The following MYT1L variants were observed in gnomAD, a reference collection of about 807,000 sequenced individuals.
The protein encoded by MYT1L is myelin transcription factor 1 like.
In MYT1L, 12 loss-of-function variants were observed where a neutral mutation model predicts 126.7. The ratio of observed to expected loss-of-function variants is 0.09; its 90% CI spans 0.06 to 0.15. The LOEUF (loss-of-function observed/expected upper bound fraction) is 0.15, where lower values mean the gene tolerates loss of function less well. MYT1L is among the 10% of genes least tolerant of loss of function. The pLI is 1.00. For synonymous variants in MYT1L, 541 were observed against 604.2 expected (o/e 0.90, Z 1.53); for missense variants, 979 against 1,585.2 (o/e 0.62, Z 6.49).
chr2:2,202,891 G>A (rs567801118), intron 2 of MYT1L, among the ~76,000 whole-genome samples: 11 of 152,218 alleles, frequency 7.2e-5, no homozygotes, highest in South Asian at 2.1e-4. Flanking sequence ...CTGGCAAACC[G>A]AATCCAGCAG....
intron 9 of MYT1L, 83 bp from the exon 10 acceptor site, chr2:1,923,346 T>C (rs2053813862): frequency 8.6e-7 from 1 of 1,162,508 alleles, no homozygotes; most frequent in Admixed American, 2.4e-5. Flanking sequence ...ACAGCATGGA[T>C]AGCACGTTAA....
At chr2:2,274,431 G>T (rs930842345) in intron 2 of MYT1L, among the ~76,000 whole-genome samples, 1 of 152,116 alleles carries the variant, frequency 6.6e-6, no homozygotes, top group African/African-American at 2.4e-5. Context: ...AATGTCATTG[G>T]AATTTACTTA....
At chr2:2,064,552 T>C (rs1370986465) in intron 3 of MYT1L, among the ~76,000 whole-genome samples, 2 of 152,192 alleles carry the variant, frequency 1.3e-5, no homozygotes, top group African/African-American at 4.8e-5. Flanking sequence ...AGTATCTGTG[T>C]ACAGAGAGGA....
At chr2:2,259,731 A>G (rs1352069540) in intron 2 of MYT1L, among the ~76,000 whole-genome samples, 1 of 152,180 alleles carries the variant, frequency 6.6e-6, no homozygotes, top group Non-Finnish European at 1.5e-5. Flanking sequence ...ATGGATGTCA[A>G]GGTACGGGTC....
At chr2:2,285,755 C>A (rs945293609) in intron 1 of MYT1L, among the ~76,000 whole-genome samples, 4 of 152,334 alleles carry the variant, frequency 2.6e-5, no homozygotes, top group South Asian at 2.1e-4. Context: ...AGGTCAGACA[C>A]TGCAGGTTCA....
chr2:2,182,492 C>A (rs1442883575), intron 2 of MYT1L, among the ~76,000 whole-genome samples: 1 of 151,940 alleles, frequency 6.6e-6, no homozygotes, highest in South Asian at 2.1e-4. Flanking sequence ...CCCTCTCTCA[C>A]ACCCATGTAC....
intron 4 of MYT1L, among the ~76,000 whole-genome samples, chr2:2,022,699 C>T (rs550744411): frequency 8.4e-4 from 127 of 150,460 alleles, no homozygotes; most frequent in Admixed American, 8.3e-3. Flanking sequence ...TCCATTCCTG[C>T]TCTGAAAAAA....
At chr2:1,984,899 C>T (rs1480716326) in intron 5 of MYT1L, among the ~76,000 whole-genome samples, 1 of 152,144 alleles carries the variant, frequency 6.6e-6, no homozygotes, top group Non-Finnish European at 1.5e-5. Context: ...TCAAGTACCA[C>T]ATTAGGCCAT....
intron 8 of MYT1L, among the ~76,000 whole-genome samples, chr2:1,945,371 G>A (rs920127371): frequency 6.6e-6 from 1 of 152,220 alleles, no homozygotes; most frequent in African/African-American, 2.4e-5. Context: ...GGACTGGGAT[G>A]AGAAAGTGAG....
chr2:1,885,578 G>A (rs2048070625), intron 18 of MYT1L: 1 of 152,682 alleles, frequency 6.5e-6, no homozygotes, highest in African/African-American at 2.4e-5. Flanking sequence ...GGATGCCGAG[G>A]TGGGGTGGGA....
intron 13 of MYT1L, among the ~76,000 whole-genome samples, chr2:1,909,947 A>C (rs1389775844): frequency 1.3e-5 from 2 of 152,212 alleles, no homozygotes; most frequent in Non-Finnish European, 2.9e-5. Context: ...TTCATCTAGC[A>C]CTCAGACTCA....
intron 2 of MYT1L, among the ~76,000 whole-genome samples, chr2:2,197,644 C>A (rs947745023): frequency 6.6e-6 from 1 of 151,088 alleles, no homozygotes; most frequent in Non-Finnish European, 1.5e-5. Flanking sequence ...CACACGCATA[C>A]AACGAATGTG....
rs151111708 is a variant in MYT1L, at chr2:1,932,929, C to T, written c.506-9666G>A. Among the ~76,000 whole-genome samples the T allele has an allele frequency of 2.6e-5, 4 of 152,238 alleles. No homozygotes were observed. In the East Asian group the frequency reaches 7.8e-4, roughly 30 times the overall value. On this transcript the variant is annotated intron_variant, in intron 9 of 24. Transcript: ENST00000647738. ...ATGCCTTCTGCTGAAGCCAGGGAAGCCTGGGCCAACCACATGCACAGTCTA... is the reference window on the plus strand; with the variant it reads ...ATGCCTTCTGCTGAAGCCAGGGAAGTCTGGGCCAACCACATGCACAGTCTA...
intron 4 of MYT1L, among the ~76,000 whole-genome samples, chr2:2,003,410 C>T (rs966993951): frequency 1.4e-4 from 22 of 152,192 alleles, no homozygotes; most frequent in Admixed American, 6.5e-5. Context: ...CAGGTTTGCC[C>T]ACCGTCACCC....
At chr2:2,304,049 T>C (rs2095824759) in intron 1 of MYT1L, 2 of 152,296 alleles carry the variant, frequency 1.3e-5, no homozygotes, top group Admixed American at 1.3e-4. Flanking sequence ...GAATAAGGAT[T>C]ATGTGGAAAC....
chr2:2,232,954 T>A (rs1356887906), intron 2 of MYT1L, among the ~76,000 whole-genome samples: 1 of 152,066 alleles, frequency 6.6e-6, no homozygotes, highest in Non-Finnish European at 1.5e-5. Flanking sequence ...GAGGTCTCTG[T>A]GAACAGAGGA....
intron 2 of MYT1L, among the ~76,000 whole-genome samples, chr2:2,251,703 A>G (rs1282616918): frequency 6.6e-6 from 1 of 152,132 alleles, no homozygotes; most frequent in Non-Finnish European, 1.5e-5. Context: ...CAATAGATCT[A>G]TTACAGGATC....
In MYT1L at chr2:1,793,677, C is replaced by T. The variant is rs773403310; in HGVS notation, c.3277-1213G>A. Among the ~76,000 whole-genome samples, 5 of 152,210 alleles carry T rather than the reference C, an allele frequency of 3.3e-5. No individual in the cohort carries two copies. The highest frequency in any genetic ancestry group is 1.3e-4 in the Admixed American group (2 of 15,290). ...GGATGAAGTGGGGAGGGCCGGCCTTCTCCTTGGAAGGAATCGCAGCCCCCA... is the reference window on the plus strand; with the variant it reads ...GGATGAAGTGGGGAGGGCCGGCCTTTTCCTTGGAAGGAATCGCAGCCCCCA... On this transcript the variant is annotated intron_variant, in intron 23 of 24. Coordinates refer to ENST00000647738, the MANE Select transcript of MYT1L (RefSeq NM_001303052.2). This position sits in a 1 kb window ranked among gnomAD's most constrained non-coding sequence, Gnocchi z 4.6.
chr2:2,005,713 T>G (rs2063225014), intron 4 of MYT1L, among the ~76,000 whole-genome samples: 1 of 151,314 alleles, frequency 6.6e-6, no homozygotes, highest in African/African-American at 2.4e-5. Context: ...CAGGCGTTCT[T>G]TCCTGCATGC....
Sources: allele counts gnomAD v4.1 joint callset (sites outside exome capture counted in the v4.1 genomes callset), GRCh38; gene constraint gnomAD v4.1.1; non-coding constraint Gnocchi (gnomAD v3.1); transcripts MANE v1.5; gene names NCBI Gene and HGNC (gene_info 2026-07-23, HGNC 2026-07-21).